Variants in NRDC observed in about 807,000 individuals in gnomAD.
NRDC encodes nardilysin.
A neutral mutation model predicts 147.1 loss-of-function variants in NRDC; 54 were observed. That is an observed-to-expected ratio of 0.37 (90% CI 0.29 to 0.46). The LOEUF is 0.46. NRDC is among the 20% of genes least tolerant of loss of function. The probability of loss-of-function intolerance (pLI) is 1.00; values close to 1 mark genes in which losing one functional copy is unlikely to be tolerated. For synonymous variants in NRDC, 440 were observed against 482.1 expected (o/e 0.91, Z 1.14); for missense variants, 1,082 against 1,370.6 (o/e 0.79, Z 3.33).
In NRDC at chr1:51,819,620, A is replaced by G. The variant is rs17106797; in HGVS notation, c.1291+180T>C. Among the ~76,000 whole-genome samples, 1,156 of 152,330 alleles carry G rather than the reference A, an allele frequency of 7.6e-3. 16 individuals are homozygous for G. Among genetic ancestry groups the G allele is most frequent in the African/African-American group, 0.027 (1,102 of 41,574 alleles). On this transcript the variant is annotated intron_variant, in intron 9 of 30. Transcript: ENST00000352171. ...AGGGCACCAGAATCAATCGATCTGC[A>G]GCTAGTCAGTGGTCTGCTATCTATT...
chr1:51,790,393 A>G (rs1571831307), intron 29 of NRDC, 140 bp downstream of exon 29: 1 of 683,956 alleles, frequency 1.5e-6, no homozygotes, highest in East Asian at 2.5e-5. Context: ...CTGAAAACTC[A>G]GGAAGTGAGC....
chr1:51,790,115 C>T (rs984838294), intron 29 of NRDC, among the ~76,000 whole-genome samples: 14 of 152,196 alleles, frequency 9.2e-5, no homozygotes, highest in Admixed American at 3.9e-4. Flanking sequence ...TAACCAAAGT[C>T]ACACTGGAGT....
At chr1:51,813,787 G>A (rs908473106) in intron 14 of NRDC, among the ~76,000 whole-genome samples, 6 of 152,154 alleles carry the variant, frequency 3.9e-5, no homozygotes, top group South Asian at 2.1e-4. Context: ...TGACTATGTA[G>A]ATAAATGATT....
chr1:51,824,289 C>A (rs1376118665), intron 6 of NRDC, among the ~76,000 whole-genome samples: 2 of 152,074 alleles, frequency 1.3e-5, no homozygotes, highest in Non-Finnish European at 2.9e-5. Flanking sequence ...CCACACCCAG[C>A]TAATTTTTGT....
chr1:51,794,781 G>A (rs372707499), intron 23 of NRDC, 42 bp downstream of exon 23: 155 of 1,610,734 alleles, frequency 9.6e-5, no homozygotes, highest in Non-Finnish European at 1.3e-4. Context: ...CCCTCTCGCT[G>A]GTAAGAACAC....
chr1:51,805,408 T>C, intron 19 of NRDC, 102 bp downstream of exon 19: 1 of 888,630 alleles, frequency 1.1e-6, no homozygotes, highest in Non-Finnish European at 1.7e-6. Context: ...GCAACATAGC[T>C]CAAATATGGA....
At chr1:51,866,642 A>C (rs1414519024) in intron 1 of NRDC, among the ~76,000 whole-genome samples, 6 of 152,180 alleles carry the variant, frequency 3.9e-5, no homozygotes, top group Admixed American at 6.5e-5. Flanking sequence ...TAACACAAAT[A>C]ACTAGAATTA....
rs372165502 is a variant in NRDC, at chr1:51,812,003, G to A, written c.1770C>T (p.Tyr590=). ...ILTGDQLLFE[Y]KPEVIGEALN... is the part of the protein sequence containing the mutation. ...GTATAAACCTCCTTACTTCTGGCTT[G>A]TATTCAAAAAGAAGCTGATCTCCAG... The change falls in exon 15 of 31, where the codon TAC becomes TAT. Residue 590 remains tyrosine (Y), a synonymous_variant. Coordinates refer to ENST00000352171, the MANE Select transcript of NRDC (RefSeq NM_001101662.2). The A allele has an allele frequency of 6.8e-5, 110 of 1,611,122 alleles. No homozygotes were observed. The highest frequency in any genetic ancestry group is 3.3e-4 in the Middle Eastern group (2 of 6,056).
rs185374619 is a variant in NRDC at position 51,847,426 on chromosome 1, G to A, written c.342-6912C>T. On this transcript the variant is annotated intron_variant, in intron 1 of 30. Coordinates refer to ENST00000352171, the MANE Select transcript of NRDC (RefSeq NM_001101662.2). ...GGATGGGACTGGGCGCCGTGGAGCA[G>A]GGGGCGGCGCTCGTTGGGGAGGCTC... is the stretch of plus-strand genomic sequence containing the variant. 6.9e-3 allele frequency among the ~76,000 whole-genome samples: 1,056 copies of A among 152,362 alleles called. 13 individuals are homozygous for A. The highest frequency in any genetic ancestry group is 0.024 in the African/African-American group (1,010 of 41,592).
At position 51,790,614 on chromosome 1, in the gene NRDC, A is replaced by G. The variant is rs756644281; in HGVS notation, c.3087T>C (p.Asp1029=). The change falls in exon 29 of 31, where the codon GAT becomes GAC. Residue 1029 remains aspartate (D), a synonymous_variant. Transcript: ENST00000352171. ...TALIKLKECE[D]THLGEEVDRN... ...TATCCACCTCCTCCCCAAGGTGGGT[A>G]TCCTCACACTCCTTCAGCTTGATGA... 1.2e-6 allele frequency: 2 copies of G among 1,613,818 alleles called. No homozygotes were observed. Among genetic ancestry groups the G allele is most frequent in the African/African-American group, 1.3e-5 (1 of 74,918 alleles).
intron 3 of NRDC, 70 bp downstream of exon 3, chr1:51,836,061 T>G: frequency 1.7e-6 from 2 of 1,146,908 alleles, no homozygotes; most frequent in Non-Finnish European, 2.6e-6. Context: ...TGCTAATCTT[T>G]GATATCAATT....
intron 3 of NRDC, 32 bp downstream of exon 3, chr1:51,836,099 C>T: frequency 6.4e-7 from 1 of 1,568,138 alleles, no homozygotes; most frequent in Non-Finnish European, 8.8e-7. Flanking sequence ...GGGAAAAAAA[C>T]ACACCAGGAA....
intron 24 of NRDC, 61 bp downstream of exon 24, chr1:51,794,411 C>T: frequency 6.4e-7 from 1 of 1,562,000 alleles, no homozygotes; most frequent in South Asian, 1.1e-5. Flanking sequence ...CCTTGAAGGT[C>T]ACGGGGTCCC....
chr1:51,838,934 A>C (rs1681119851), intron 2 of NRDC, among the ~76,000 whole-genome samples: 1 of 152,140 alleles, frequency 6.6e-6, no homozygotes, highest in South Asian at 2.1e-4. Flanking sequence ...AAACTATTTA[A>C]TACTTGGTCT....
chr1:51,850,767 T>A (rs1406664542), intron 1 of NRDC, among the ~76,000 whole-genome samples: 1 of 152,188 alleles, frequency 6.6e-6, no homozygotes, highest in Non-Finnish European at 1.5e-5. Flanking sequence ...TCGTCTGCTA[T>A]CCTGAAATTT....
intron 1 of NRDC, among the ~76,000 whole-genome samples, chr1:51,846,601 G>T (rs547452795): frequency 6.6e-6 from 1 of 152,326 alleles, no homozygotes; most frequent in African/African-American, 2.4e-5. Flanking sequence ...CTGCCTGTGG[G>T]TTCGTACTCT....
intron 1 of NRDC, chr1:51,862,189 C>T (rs913994543): frequency 2.0e-5 from 3 of 152,020 alleles, no homozygotes; most frequent in African/African-American, 7.2e-5. Context: ...AAATTTTGTC[C>T]TGCTTGGGTT....
At chr1:51,858,395 C>A (rs1253050458) in intron 1 of NRDC, among the ~76,000 whole-genome samples, 1 of 150,852 alleles carries the variant, frequency 6.6e-6, no homozygotes, top group African/African-American at 2.4e-5. Flanking sequence ...GGGAAATTCA[C>A]TTGAGCCCAG....
chr1:51,812,908 G>C (rs911649381), intron 14 of NRDC, among the ~76,000 whole-genome samples: 6 of 135,718 alleles, frequency 4.4e-5, no homozygotes, highest in Non-Finnish European at 6.1e-5. Flanking sequence ...GTTGCAGTGA[G>C]CCAAGATCAT....
Sources: gnomAD v4.1 joint callset for allele counts (sites outside exome capture counted in the v4.1 genomes callset) on GRCh38, gnomAD v4.1.1 for gene constraint, MANE v1.5 for transcripts, NCBI Gene and HGNC (gene_info 2026-07-23, HGNC 2026-07-21) for gene names.